The following WWOX variants were observed in gnomAD, a reference collection of about 807,000 sequenced individuals.
WWOX encodes WW domain-containing oxidoreductase.
In WWOX, 69 loss-of-function variants were observed where a neutral mutation model predicts 46.2. The observed-to-expected ratio is 1.49, with a 90% CI of 1.23 to 1.82. The LOEUF (loss-of-function observed/expected upper bound fraction) is 1.82. Among genes scored for constraint, WWOX ranks in the 40% most tolerant of loss-of-function variants. The pLI is 0.00. For missense variants in WWOX, 919 were observed against 542.6 expected, an observed-to-expected ratio of 1.69 and a Z score of -6.89; for synonymous variants, 359 against 202.6, an observed-to-expected ratio of 1.77 and a Z score of -6.56.
At chr16:78,641,898 AT>A (rs1221408244) in intron 8 of WWOX, among the ~76,000 whole-genome samples, 1 of 152,244 alleles carries the variant, frequency 6.6e-6, no homozygotes, top group Non-Finnish European at 1.5e-5. Context: ...CACAGGCAGT[AT>A]TAGAGGAGTG....
At chr16:78,830,122 A>G (rs905804890) in intron 8 of WWOX, among the ~76,000 whole-genome samples, 6 of 152,184 alleles carry the variant, frequency 3.9e-5, no homozygotes, top group African/African-American at 1.4e-4. Context: ...TACATGAAAA[A>G]AAATAAACAA....
chr16:78,579,240 A>G (rs2044984551), intron 8 of WWOX, among the ~76,000 whole-genome samples: 1 of 152,142 alleles, frequency 6.6e-6, no homozygotes, highest in African/African-American at 2.4e-5. Flanking sequence ...TTGCTTTGTT[A>G]TTACGTCACA....
chr16:78,389,829 C>T (rs1352588715), intron 6 of WWOX, among the ~76,000 whole-genome samples: 1 of 152,182 alleles, frequency 6.6e-6, no homozygotes, highest in Non-Finnish European at 1.5e-5. Context: ...CTGTTCATTG[C>T]AACCTCTGGC....
chr16:78,325,569 C>T (rs2080591650), intron 5 of WWOX, among the ~76,000 whole-genome samples: 1 of 152,060 alleles, frequency 6.6e-6, no homozygotes, highest in South Asian at 2.1e-4. Context: ...AGTTAGTGAT[C>T]TCTGTAAGAG....
rs145861107 is a variant in WWOX, at chr16:78,574,757, T to C, written c.1056+142005T>C. 1.4e-3 allele frequency among the ~76,000 whole-genome samples: 216 copies of C among 150,726 alleles called. 1 individual carries two copies. In the East Asian group the frequency reaches 0.021, roughly 15 times the overall value. On this transcript the variant is annotated intron_variant, in intron 8 of 8. Coordinates refer to ENST00000566780, the MANE Select transcript of WWOX (RefSeq NM_016373.4). ...GTGGAATCTGAAAAAACCAAGCTCA[T>C]AGAATAGAAACAGAGAGTGAGAATG...
At chr16:78,498,214 A>AAAAAAAAAAAAG (rs59419812) in intron 8 of WWOX, among the ~76,000 whole-genome samples, 3 of 128,212 alleles carry the variant, frequency 2.3e-5, no homozygotes, top group East Asian at 2.3e-4. Flanking sequence ...CAAAAAAAAA[A>AAAAAAAAAAAAG]AAAAGAAAAA....
At chr16:78,871,098 A>G (rs902460804) in intron 8 of WWOX, among the ~76,000 whole-genome samples, 13 of 152,084 alleles carry the variant, frequency 8.5e-5, no homozygotes, top group African/African-American at 3.1e-4. Context: ...TTCAGTAAAT[A>G]CTTGTTGAAT....
At chr16:78,652,997 A>G (rs763961791) in intron 8 of WWOX, among the ~76,000 whole-genome samples, 7 of 152,230 alleles carry the variant, frequency 4.6e-5, no homozygotes, top group Non-Finnish European at 7.3e-5. Flanking sequence ...ATGAAGAAAA[A>G]TTTAGAAACT....
rs529585533 is a variant in WWOX at position 78,569,302 on chromosome 16, T to G, written c.1056+136550T>G. On this transcript the variant is annotated intron_variant, in intron 8 of 8. Transcript: ENST00000566780. ...CATTTTCATTGAATCAAGGCAGTTTTCCTTTATAAAATGTCCTATTTCATA... is the reference window on the plus strand; with the variant it reads ...CATTTTCATTGAATCAAGGCAGTTTGCCTTTATAAAATGTCCTATTTCATA... Among the ~76,000 whole-genome samples the G allele has an allele frequency of 5.9e-5, 9 of 152,322 alleles. 1 individual carries two copies. The South Asian group carries it at 1.9e-3, about 32-fold the overall frequency.
At chr16:78,932,690 T>C (rs1268076789) in intron 8 of WWOX, among the ~76,000 whole-genome samples, 1 of 151,870 alleles carries the variant, frequency 6.6e-6, no homozygotes, top group Non-Finnish European at 1.5e-5. Flanking sequence ...CCTGGTGGAG[T>C]TAAAACAGAC....
rs968565485 is a variant in WWOX at position 78,430,379 on chromosome 16, A to G, written c.792-2109A>G. Among the ~76,000 whole-genome samples, 119 of 152,234 alleles carry G rather than the reference A, an allele frequency of 7.8e-4. 1 individual carries two copies. Among genetic ancestry groups the G allele is most frequent in the African/African-American group, 2.7e-3 (112 of 41,544 alleles). ...CCTCCAAAAATCACACAAAATCTGA[A>G]AGTGCTTTTATTCATTCTACATGTA... On this transcript the variant is annotated intron_variant, in intron 7 of 8. Transcript: ENST00000566780.
intron 5 of WWOX, among the ~76,000 whole-genome samples, chr16:78,201,948 G>A (rs558763007): frequency 2.0e-5 from 3 of 152,026 alleles, no homozygotes; most frequent in Admixed American, 6.6e-5. Flanking sequence ...CAGTCCACCC[G>A]CCTCGGCCTC....
At chr16:78,587,222 A>G (rs2045231300) in intron 8 of WWOX, among the ~76,000 whole-genome samples, 1 of 122,730 alleles carries the variant, frequency 8.1e-6, no homozygotes, top group Non-Finnish European at 1.6e-5. Flanking sequence ...TTTTTGTAGA[A>G]ACAGAGTCTC....
At chr16:78,574,326 C>G (rs1161726239) in intron 8 of WWOX, among the ~76,000 whole-genome samples, 1 of 152,198 alleles carries the variant, frequency 6.6e-6, no homozygotes, top group East Asian at 1.9e-4. Flanking sequence ...TGCACACATT[C>G]AAAGGGAGGA....
chr16:78,740,133 G>C (rs2049181892), intron 8 of WWOX, among the ~76,000 whole-genome samples: 1 of 152,094 alleles, frequency 6.6e-6, no homozygotes. Context: ...GCACTGCTGA[G>C]TTTGAAAATA....
At chr16:79,042,569 A>G (rs932626482) in intron 8 of WWOX, among the ~76,000 whole-genome samples, 6 of 152,298 alleles carry the variant, frequency 3.9e-5, no homozygotes, top group East Asian at 3.9e-4. Context: ...AGTGATTATT[A>G]GGGTTATAAT....
intron 4 of WWOX, among the ~76,000 whole-genome samples, chr16:78,157,469 GT>G (rs1293361441): frequency 6.6e-6 from 1 of 152,178 alleles, no homozygotes; most frequent in Non-Finnish European, 1.5e-5. Context: ...TGCTTTAAAG[GT>G]TGGAGATACA....
chr16:78,870,665 G>T (rs1395570848), intron 8 of WWOX, among the ~76,000 whole-genome samples: 1 of 151,984 alleles, frequency 6.6e-6, no homozygotes, highest in Admixed American at 6.6e-5. Context: ...GCGGTGGTGC[G>T]ATCTTGCCTC....
intron 8 of WWOX, among the ~76,000 whole-genome samples, chr16:78,558,441 C>G (rs1240406692): frequency 2.0e-5 from 3 of 152,244 alleles, no homozygotes; most frequent in African/African-American, 4.8e-5. Flanking sequence ...CAAAGCAGAT[C>G]TGGCATCCTT....
Sources: gnomAD v4.1 joint callset for allele counts (sites outside exome capture counted in the v4.1 genomes callset) on GRCh38, gnomAD v4.1.1 for gene constraint, MANE v1.5 for transcripts, NCBI Gene and HGNC (gene_info 2026-07-23, HGNC 2026-07-21) for gene names.